AFG2A: variants seen among roughly 807,000 people sequenced by gnomAD.
AFG2A encodes the protein AAA ATPase AFG2A, also known as ATPase family gene 2 protein homolog A.
chr4:123,106,203 G>T, the AFG2A span, among the ~76,000 whole-genome samples: 2 of 152,062 alleles, frequency 1.3e-5, no homozygotes, highest in Non-Finnish European at 2.9e-5. Context: ...ATAATCATTT[G>T]CATTTTTAGC....
At chr4:123,250,675 A>G in the AFG2A span, among the ~76,000 whole-genome samples, 4 of 152,180 alleles carry the variant, frequency 2.6e-5, no homozygotes, top group Non-Finnish European at 4.4e-5. Flanking sequence ...AAGGTCTTGA[A>G]TAACTTCTCA....
At chr4:123,044,924 G>T in the AFG2A span, among the ~76,000 whole-genome samples, 2 of 151,260 alleles carry the variant, frequency 1.3e-5, no homozygotes, top group African/African-American at 4.9e-5. Flanking sequence ...GCTTCATTTG[G>T]TTCTTTTTAT....
the AFG2A span, among the ~76,000 whole-genome samples, chr4:122,989,400 T>G: frequency 6.6e-6 from 1 of 152,142 alleles, no homozygotes; most frequent in Non-Finnish European, 1.5e-5. Flanking sequence ...AGTGCTGGGA[T>G]GGGGCTGGAG....
At chr4:122,965,966 TGGCCAAAA>T in the AFG2A span, among the ~76,000 whole-genome samples, 2 of 152,176 alleles carry the variant, frequency 1.3e-5, no homozygotes, top group Non-Finnish European at 2.9e-5. Flanking sequence ...AGGTAACTGA[TGGCCAAAA>T]GGGCTAAGTC....
At chr4:123,001,813 A>T in the AFG2A span, among the ~76,000 whole-genome samples, 1 of 151,440 alleles carries the variant, frequency 6.6e-6, no homozygotes, top group Non-Finnish European at 1.5e-5. Flanking sequence ...GTAGATGTCT[A>T]TTAGGTCTGC....
the AFG2A span, chr4:122,936,149 A>C: frequency 6.3e-7 from 1 of 1,596,988 alleles, no homozygotes; most frequent in Admixed American, 1.7e-5. Flanking sequence ...TGCTGAAGCC[A>C]CTCTACGGTA....
chr4:123,054,008 G>A, the AFG2A span, among the ~76,000 whole-genome samples: 10 of 152,322 alleles, frequency 6.6e-5, no homozygotes, highest in South Asian at 2.1e-3. Flanking sequence ...GCCTGGAGCA[G>A]TGTCACAGTT....
At chr4:123,015,836 T>C in the AFG2A span, among the ~76,000 whole-genome samples, 4,174 of 15,830 alleles carry the variant, frequency 0.26, 246 homozygotes, top group East Asian at 0.41. Flanking sequence ...CCCTCCCGGA[T>C]GGGGCGGCTG....
the AFG2A span, among the ~76,000 whole-genome samples, chr4:123,158,422 T>C: frequency 6.6e-6 from 1 of 152,222 alleles, no homozygotes; most frequent in Admixed American, 6.5e-5. Flanking sequence ...TTAGTATCAA[T>C]GCAATTTGAT....
At chr4:123,274,772 C>A in the AFG2A span, among the ~76,000 whole-genome samples, 1 of 151,936 alleles carries the variant, frequency 6.6e-6, no homozygotes, top group African/African-American at 2.4e-5. Context: ...AGGCAAGAAT[C>A]CAGAATGAAG....
chr4:123,291,317 A>G, the AFG2A span, among the ~76,000 whole-genome samples: 1 of 152,168 alleles, frequency 6.6e-6, no homozygotes, highest in Non-Finnish European at 1.5e-5. Flanking sequence ...TTAGACCCGT[A>G]TTCAACATTA....
At chr4:123,042,318 C>T in the AFG2A span, among the ~76,000 whole-genome samples, 1 of 151,762 alleles carries the variant, frequency 6.6e-6, no homozygotes, top group Admixed American at 6.6e-5. Flanking sequence ...TTGACATAGC[C>T]TCACATAGTG....
the AFG2A span, among the ~76,000 whole-genome samples, chr4:123,185,792 T>C: frequency 1.3e-5 from 2 of 151,932 alleles, no homozygotes; most frequent in African/African-American, 4.8e-5. Context: ...CCACAATATA[T>C]GGGGGCTTTA....
At chr4:123,242,035 A>G in the AFG2A span, among the ~76,000 whole-genome samples, 2 of 152,208 alleles carry the variant, frequency 1.3e-5, no homozygotes, top group African/African-American at 4.8e-5. Flanking sequence ...CAATTGCTAC[A>G]AAGAAAATAA....
the AFG2A span, chr4:123,317,235 A>AAC: frequency 6.6e-6 from 1 of 151,976 alleles, no homozygotes; most frequent in African/African-American, 2.4e-5. Context: ...AAAAAAAAAA[A>AAC]AAAAAAAACC....
At chr4:123,204,011 G>C in the AFG2A span, among the ~76,000 whole-genome samples, 1 of 152,140 alleles carries the variant, frequency 6.6e-6, no homozygotes, top group African/African-American at 2.4e-5. Flanking sequence ...ATCTTCAAAG[G>C]AGCAATGTTG....
chr4:123,276,062 A>G, the AFG2A span, among the ~76,000 whole-genome samples: 2 of 152,204 alleles, frequency 1.3e-5, no homozygotes, highest in Non-Finnish European at 2.9e-5. Context: ...GAATTTCCAT[A>G]CTGCTTTCTA....
At chr4:123,150,117 A>T in the AFG2A span, among the ~76,000 whole-genome samples, 2 of 152,168 alleles carry the variant, frequency 1.3e-5, no homozygotes, top group Non-Finnish European at 2.9e-5. Flanking sequence ...TATTGATGGA[A>T]CATATCTCAA....
At chr4:122,965,825 T>C in the AFG2A span, among the ~76,000 whole-genome samples, 5 of 152,216 alleles carry the variant, frequency 3.3e-5, no homozygotes, top group Non-Finnish European at 7.3e-5. Flanking sequence ...TAATCTTTCA[T>C]TATGGGTTCC....
Sources: allele counts gnomAD v4.1 joint callset (sites outside exome capture counted in the v4.1 genomes callset), GRCh38; gene constraint gnomAD v4.1.1; transcripts MANE v1.5; gene names NCBI Gene and HGNC (gene_info 2026-07-23, HGNC 2026-07-21).